DIXDC1: variants seen among roughly 807,000 people sequenced by gnomAD.
DIXDC1 encodes DIX domain containing 1, also known as dixin.
Under a neutral mutation model 103.1 loss-of-function variants are expected in DIXDC1, and 64 were observed. The ratio of observed to expected loss-of-function variants is 0.62; its 90% confidence interval spans 0.51 to 0.76. The LOEUF is 0.76. DIXDC1 is among the 30% of genes least tolerant of loss of function. The probability of loss-of-function intolerance (pLI) is 0.00; values close to 1 mark genes in which losing one functional copy is unlikely to be tolerated. For synonymous variants in DIXDC1, 266 were observed against 298.5 expected, an observed-to-expected ratio of 0.89 and a Z score of 1.12; for missense variants, 759 against 834.2, an observed-to-expected ratio of 0.91 and a Z score of 1.11.
At chr11:111,984,273 T>G (rs1555173596) in intron 7 of DIXDC1, among the ~76,000 whole-genome samples, 2 of 152,146 alleles carry the variant, frequency 1.3e-5, no homozygotes, top group African/African-American at 4.8e-5. Context: ...AGGCAACGCA[T>G]GGTGGGCCAC....
Position 111,974,021 on chromosome 11 carries a change from A to C in DIXDC1, c.317-2A>C. The C allele has an allele frequency of 6.2e-7, 1 of 1,613,706 alleles. No homozygotes were observed. The highest frequency in any genetic ancestry group is 8.5e-7 in the Non-Finnish European group (1 of 1,179,844). ...TTATTCTTGGTCCGTTTTATCCTTCAGATATTGTGGATGGAAACCTGAAGT... is the reference window on the plus strand; with the variant it reads ...TTATTCTTGGTCCGTTTTATCCTTCCGATATTGTGGATGGAAACCTGAAGT... On this transcript the variant is annotated splice_acceptor_variant, in intron 3 of 19. Coordinates refer to ENST00000440460, the MANE Select transcript of DIXDC1 (RefSeq NM_001037954.4). LOFTEE classifies it high-confidence loss of function.
chr11:111,960,594 TA>T (rs57035300), intron 1 of DIXDC1, among the ~76,000 whole-genome samples: 59,090 of 139,470 alleles, frequency 0.42, 12,266 homozygotes, highest in East Asian at 0.59. Flanking sequence ...AACTCTGTCT[TA>T]AAAAAAAAAA....
At chr11:112,014,954 G>A (rs1434922214) in intron 17 of DIXDC1, among the ~76,000 whole-genome samples, 2 of 151,242 alleles carry the variant, frequency 1.3e-5, no homozygotes, top group Non-Finnish European at 2.9e-5. Context: ...GCTCGATCTC[G>A]GCTCACTGCA....
intron 1 of DIXDC1, among the ~76,000 whole-genome samples, chr11:111,944,670 TG>T (rs1245266987): frequency 6.6e-6 from 1 of 152,216 alleles, no homozygotes; most frequent in Non-Finnish European, 1.5e-5. Flanking sequence ...ATGGAGATTA[TG>T]GGATTGCTAA....
chr11:111,970,347 A>G (rs1489840700), intron 3 of DIXDC1, among the ~76,000 whole-genome samples: 1 of 152,172 alleles, frequency 6.6e-6, no homozygotes, highest in East Asian at 1.9e-4. Context: ...GAGCCACTGC[A>G]CCTGGCCAAA....
chr11:111,976,136 C>G lies in DIXDC1; in HGVS notation c.656+1153C>G, dbSNP rs1860088070. On this transcript the variant is annotated intron_variant, in intron 5 of 19. Transcript: ENST00000440460. The surrounding 1 kb of genome is among the most constrained non-coding windows in gnomAD (Gnocchi z 4.3). The stretch of plus-strand genomic sequence containing the variant: ...CTTTTAATGAGAATCTAAATCATTT[C>G]TTCCTTGCTTGCTGCTTAGGTTATC... The G allele has an allele frequency of 1.8e-5, 3 of 162,410 alleles. No homozygotes were observed. The highest frequency in any genetic ancestry group is 7.2e-5 in the African/African-American group (3 of 41,618). 10.1% of individuals were successfully genotyped at this position (162,410 alleles called of 1,614,324 possible). A position where few individuals can be genotyped will look rare whatever the true frequency, so the allele number is the denominator to read the frequency against.
intron 1 of DIXDC1, chr11:111,929,734 C>A: frequency 1.2e-6 from 1 of 814,384 alleles, no homozygotes; most frequent in Non-Finnish European, 1.9e-6. Context: ...GGGGAGGGGT[C>A]TGGCCCCAAC....
intron 1 of DIXDC1, among the ~76,000 whole-genome samples, chr11:111,953,372 C>T (rs904007606): frequency 6.6e-6 from 1 of 152,160 alleles, no homozygotes; most frequent in Non-Finnish European, 1.5e-5. Flanking sequence ...CACAGTGGCT[C>T]ACTCCTGTAA....
intron 1 of DIXDC1, among the ~76,000 whole-genome samples, chr11:111,942,243 G>A (rs1382796478): frequency 6.6e-6 from 1 of 152,150 alleles, no homozygotes; most frequent in Non-Finnish European, 1.5e-5. Flanking sequence ...TATGTTCCTC[G>A]TGGTGAGTGA....
Position 111,976,789 on chromosome 11 carries a change from C to G in DIXDC1, c.656+1806C>G, listed in dbSNP as rs1452837641. 1 of 152,538 alleles carries G rather than the reference C, an allele frequency of 6.6e-6. No individual in the cohort carries two copies. Among genetic ancestry groups the G allele is most frequent in the Admixed American group, 6.5e-5 (1 of 15,298 alleles). The allele number at this position is 152,538 out of a possible 1,614,324, so 9.4% of individuals were successfully genotyped here. A position where few individuals can be genotyped will look rare whatever the true frequency, so the allele number is the denominator to read the frequency against. The stretch of plus-strand genomic sequence containing the variant: ...CCCTGCCAGCCTGTTGCTCCGAAAA[C>G]CGCATACCAGCCTCACATTGTAGCC... On this transcript the variant is annotated intron_variant, in intron 5 of 19. Transcript: ENST00000440460. The surrounding 1 kb of genome is among the most constrained non-coding windows in gnomAD (Gnocchi z 4.3).
At chr11:111,939,370 A>T (rs782377462) in intron 1 of DIXDC1, among the ~76,000 whole-genome samples, 19 of 152,190 alleles carry the variant, frequency 1.2e-4, no homozygotes, top group Non-Finnish European at 2.2e-4. Flanking sequence ...GGGGAATGGG[A>T]GAGTGGTCTT....
chr11:111,969,026 G>A (rs941768285), intron 3 of DIXDC1, among the ~76,000 whole-genome samples: 6 of 151,864 alleles, frequency 4.0e-5, no homozygotes, highest in African/African-American at 1.5e-4. Flanking sequence ...TACCCGCCTC[G>A]CCTTGGCCTC....
intron 11 of DIXDC1, 81 bp downstream of exon 11, chr11:111,992,600 C>T (rs1315608274): frequency 1.6e-5 from 20 of 1,227,290 alleles, no homozygotes; most frequent in Non-Finnish European, 2.1e-5. Flanking sequence ...TTAGACTGGC[C>T]ATCCTAATCT....
chr11:111,937,143 G>GGGT, upstream of DIXDC1: 2 of 753,118 alleles, frequency 2.7e-6, no homozygotes, highest in East Asian at 1.3e-4. Flanking sequence ...GGGGGGGGGT[G>GGGT]TGCGCGTGCG....
upstream of DIXDC1, chr11:111,937,298 C>T: frequency 7.5e-7 from 1 of 1,329,606 alleles, no homozygotes; most frequent in Non-Finnish European, 9.6e-7. Context: ...GCGCCGGGCC[C>T]CTCCAGCGGA....
intron 5 of DIXDC1, among the ~76,000 whole-genome samples, chr11:111,979,665 T>C (rs1405399211): frequency 6.6e-6 from 1 of 152,184 alleles, no homozygotes; most frequent in African/African-American, 2.4e-5. Context: ...CTAGTAGTTA[T>C]ATCAGAACTT....
chr11:111,932,173 G>A (rs1966043964), intron 2 of DIXDC1, among the ~76,000 whole-genome samples: 1 of 151,484 alleles, frequency 6.6e-6, no homozygotes. Context: ...TGGGACTACA[G>A]GCGTAGGACA....
At chr11:112,010,257 G>A (rs1279561203) in intron 17 of DIXDC1, among the ~76,000 whole-genome samples, 1 of 152,148 alleles carries the variant, frequency 6.6e-6, no homozygotes, top group Non-Finnish European at 1.5e-5. Context: ...GGATGTGAAG[G>A]ACCTCTTCAT....
intron 2 of DIXDC1, 139 bp from the exon 3 acceptor site, chr11:111,968,374 C>A: frequency 2.2e-6 from 2 of 901,282 alleles, no homozygotes; most frequent in Non-Finnish European, 3.2e-6. Flanking sequence ...AAATGACAAA[C>A]ACCAGGACTT....
Sources: allele counts gnomAD v4.1 joint callset (sites outside exome capture counted in the v4.1 genomes callset), GRCh38; gene constraint gnomAD v4.1.1; non-coding constraint Gnocchi (gnomAD v3.1); transcripts MANE v1.5; gene names NCBI Gene and HGNC (gene_info 2026-07-23, HGNC 2026-07-21).